Variants in LMO7 observed in about 807,000 individuals in gnomAD.
LMO7 encodes LIM domain only protein 7.
In LMO7, 120 loss-of-function variants were observed where a neutral mutation model predicts 206.5. The observed-to-expected ratio is 0.58, with a 90% confidence interval of 0.50 to 0.68. The LOEUF (loss-of-function observed/expected upper bound fraction) is 0.68. Among genes scored for constraint, LMO7 ranks in the 30% least tolerant of loss-of-function variants. LMO7 has a pLI of 0.00. For missense variants in LMO7, 1,959 were observed against 1,957.9 expected, an observed-to-expected ratio of 1.00 and a Z score of -0.01; for synonymous variants, 706 against 681.5, an observed-to-expected ratio of 1.04 and a Z score of -0.56.
chr13:75,851,297 T>A (rs1364707020), intron 27 of LMO7, among the ~76,000 whole-genome samples: 1 of 152,264 alleles, frequency 6.6e-6, no homozygotes, highest in African/African-American at 2.4e-5. Flanking sequence ...TGTGGAATAA[T>A]CCATTTGTTT....
At chr13:75,626,453 A>G (rs1266674373) in intron 2 of LMO7, among the ~76,000 whole-genome samples, 2 of 150,920 alleles carry the variant, frequency 1.3e-5, no homozygotes, top group Non-Finnish European at 1.5e-5. Flanking sequence ...ACCGGCCCAC[A>G]TGATTCAATT....
intron 7 of LMO7, among the ~76,000 whole-genome samples, chr13:75,802,201 G>A (rs2054840328): frequency 6.6e-6 from 1 of 152,098 alleles, no homozygotes. Context: ...AAAACCTGAA[G>A]GCTTTATCTT....
chr13:75,764,869 T>A (rs1594804485), intron 4 of LMO7, among the ~76,000 whole-genome samples: 2 of 152,286 alleles, frequency 1.3e-5, no homozygotes, highest in Middle Eastern at 6.8e-3. Flanking sequence ...TACTCTATTA[T>A]CTAGAGTATT....
intron 15 of LMO7, among the ~76,000 whole-genome samples, chr13:75,832,618 G>A (rs1343065300): frequency 2.0e-5 from 3 of 152,168 alleles, no homozygotes; most frequent in Non-Finnish European, 4.4e-5. Flanking sequence ...ACCACTTGAA[G>A]TTATTCAGAT....
At chr13:75,800,630 A>T in intron 6 of LMO7, 54 bp from the exon 7 acceptor site, 1 of 1,502,038 alleles carries the variant, frequency 6.7e-7, no homozygotes, top group Non-Finnish European at 9.2e-7. Flanking sequence ...CCGATTGATT[A>T]TATTTTTTGG....
At chr13:75,632,862 G>GTTTTTTTTTTTTTTTTTTTTT (rs10690832), upstream of LMO7, among the ~76,000 whole-genome samples, 2,731 of 101,988 alleles carry the variant, frequency 0.027, 402 homozygotes, top group Non-Finnish European at 0.039. Flanking sequence ...TTACTTAAAA[G>GTTTTTTTTTTTTTTTTTTTTT]TTTTTTTTTT....
chr13:75,810,797 G>A (rs2056278346), intron 11 of LMO7, among the ~76,000 whole-genome samples: 1 of 152,240 alleles, frequency 6.6e-6, no homozygotes, highest in South Asian at 2.1e-4. Flanking sequence ...GTGGCTGGAT[G>A]TGTTCCCTGT....
intron 15 of LMO7, among the ~76,000 whole-genome samples, chr13:75,831,094 C>A (rs2058623624): frequency 6.6e-6 from 1 of 151,916 alleles, no homozygotes; most frequent in South Asian, 2.1e-4. Flanking sequence ...TAGAACCTAC[C>A]AGTAGTTTTT....
chr13:75,806,402 G>A (rs192966593), intron 9 of LMO7: 23 of 202,014 alleles, frequency 1.1e-4, no homozygotes, highest in Admixed American at 8.4e-4. Context: ...GTACAAAAGC[G>A]TAATGTATAA....
chr13:75,758,257 G>A (rs1413239353), intron 3 of LMO7, among the ~76,000 whole-genome samples: 7 of 152,048 alleles, frequency 4.6e-5, no homozygotes, highest in Admixed American at 2.6e-4. Context: ...CCCTTTTAAT[G>A]TGTTGAGCTG....
At chr13:75,704,388 T>C (rs969081845) in intron 1 of LMO7, among the ~76,000 whole-genome samples, 2 of 152,342 alleles carry the variant, frequency 1.3e-5, no homozygotes, top group Non-Finnish European at 2.9e-5. Context: ...GGTTTGTATC[T>C]TAAGTATCAT....
In LMO7 at chr13:75,636,529, C is replaced by T; in HGVS notation, c.-129C>T. 6.6e-7 allele frequency: 1 copy of T among 1,518,202 alleles called. No homozygotes were observed. The highest frequency in any genetic ancestry group is 8.8e-7 in the Non-Finnish European group (1 of 1,140,612). The allele number at this position is 1,518,202 out of a possible 1,614,324, so 94.0% of individuals were successfully genotyped here. On this transcript the variant is annotated 5_prime_UTR_variant, in exon 1 of 31. Transcript: ENST00000377534. ...AAGGGAACTAGAGCCCCGGCGCCTT[C>T]GCAGCCGGAGCGGAAGCCGGAGTTG...
At chr13:75,799,206 A>C (rs1405383797) in intron 6 of LMO7, among the ~76,000 whole-genome samples, 2 of 152,210 alleles carry the variant, frequency 1.3e-5, no homozygotes, top group Non-Finnish European at 2.9e-5. Flanking sequence ...TCATGAATTG[A>C]CGGTATTAGA....
intron 1 of LMO7, among the ~76,000 whole-genome samples, chr13:75,672,535 C>T (rs551783349): frequency 2.0e-5 from 3 of 152,104 alleles, no homozygotes; most frequent in Admixed American, 6.5e-5. Context: ...TTAACTTGTC[C>T]TCTTTTGCTA....
At chr13:75,811,530 T>A (rs1462410293) in intron 11 of LMO7, among the ~76,000 whole-genome samples, 2 of 152,244 alleles carry the variant, frequency 1.3e-5, no homozygotes, top group Non-Finnish European at 2.9e-5. Context: ...CAACATGCTG[T>A]CATTGAAAAA....
intron 1 of LMO7, among the ~76,000 whole-genome samples, chr13:75,662,837 T>C (rs1362718101): frequency 6.6e-6 from 1 of 152,224 alleles, no homozygotes; most frequent in Non-Finnish European, 1.5e-5. Flanking sequence ...TGAGCAAAAA[T>C]GTTAATGTAA....
chr13:75,701,971 C>T lies in LMO7; in HGVS notation c.70-11211C>T, dbSNP rs116047655. Among the ~76,000 whole-genome samples the T allele has an allele frequency of 4.9e-3, 749 of 152,214 alleles. 8 individuals carry two copies. The highest frequency in any genetic ancestry group is 0.017 in the African/African-American group (699 of 41,532). ...TTCCCTGTTTTATTTAGTTTTTCTT[C>T]CAGTTGTATTTCATTTTTGGCTTGT... On this transcript the variant is annotated intron_variant, in intron 1 of 30. Transcript: ENST00000377534.
At chr13:75,670,981 T>TTTTTTTTC (rs1381214413) in intron 1 of LMO7, among the ~76,000 whole-genome samples, 2 of 150,514 alleles carry the variant, frequency 1.3e-5, no homozygotes, top group Admixed American at 6.6e-5. Flanking sequence ...TTTTTTTTTT[T>TTTTTTTTC]TTACTATTTA....
At chr13:75,708,794 TTTTA>T (rs1173299444) in intron 1 of LMO7, among the ~76,000 whole-genome samples, 3 of 152,190 alleles carry the variant, frequency 2.0e-5, no homozygotes, top group Non-Finnish European at 4.4e-5. Context: ...CATTTTTCTT[TTTTA>T]TTTATTTATT....
Sources: allele counts gnomAD v4.1 joint callset (sites outside exome capture counted in the v4.1 genomes callset), GRCh38; gene constraint gnomAD v4.1.1; transcripts MANE v1.5; gene names NCBI Gene and HGNC (gene_info 2026-07-23, HGNC 2026-07-21).